NEDD4L: variants seen among roughly 807,000 people sequenced by gnomAD.
NEDD4L encodes the protein NEDD4 like E3 ubiquitin protein ligase.
Under a neutral mutation model 148.9 loss-of-function variants are expected in NEDD4L, and 54 were observed. The observed-to-expected ratio is 0.36, with a 90% CI of 0.29 to 0.45. NEDD4L has a LOEUF of 0.45. Among genes scored for constraint, NEDD4L ranks in the 20% least tolerant of loss-of-function variants. NEDD4L has a pLI of 1.00. For missense variants in NEDD4L, 856 were observed against 1,233.8 expected, an observed-to-expected ratio of 0.69 and a Z score of 4.59; for synonymous variants, 433 against 440.7, an observed-to-expected ratio of 0.98 and a Z score of 0.22.
At chr18:58,125,777 A>AT (rs1277221586) in intron 1 of NEDD4L, among the ~76,000 whole-genome samples, 1 of 152,254 alleles carries the variant, frequency 6.6e-6, no homozygotes, top group Non-Finnish European at 1.5e-5. Context: ...ATATTTCAAC[A>AT]TGTAATCAGT....
At chr18:58,187,041 G>A (rs2039554764) in intron 2 of NEDD4L, among the ~76,000 whole-genome samples, 4 of 152,208 alleles carry the variant, frequency 2.6e-5, no homozygotes, top group African/African-American at 9.6e-5. Flanking sequence ...GAAATTAATA[G>A]GTGCTTGGAA....
intron 1 of NEDD4L, among the ~76,000 whole-genome samples, chr18:58,138,370 C>CCCT (rs982388840): frequency 2.0e-5 from 3 of 148,404 alleles, no homozygotes; most frequent in African/African-American, 7.6e-5. Flanking sequence ...CTCTTCCCTC[C>CCCT]CCTCCTCCTC....
At chr18:58,055,612 G>A (rs2082053831) in intron 1 of NEDD4L, among the ~76,000 whole-genome samples, 1 of 152,164 alleles carries the variant, frequency 6.6e-6, no homozygotes, top group Non-Finnish European at 1.5e-5. Context: ...GGATTACCAG[G>A]TCATTTTCAT....
intron 8 of NEDD4L, among the ~76,000 whole-genome samples, chr18:58,324,488 C>A (rs745458450): frequency 6.6e-6 from 1 of 152,304 alleles, no homozygotes; most frequent in African/African-American, 2.4e-5. Flanking sequence ...TGGGGAGCAA[C>A]AGGACTCTGG....
intron 2 of NEDD4L, among the ~76,000 whole-genome samples, chr18:58,240,636 G>GA (rs2046518110): frequency 6.6e-6 from 1 of 152,168 alleles, no homozygotes; most frequent in Non-Finnish European, 1.5e-5. Flanking sequence ...CTTTGGATGA[G>GA]TAGTCAGTCC....
chr18:58,316,074 G>A (rs776014085), intron 6 of NEDD4L, 42 bp downstream of exon 6: 9 of 1,526,040 alleles, frequency 5.9e-6, no homozygotes, highest in Non-Finnish European at 8.2e-6. Flanking sequence ...CTGGGGGCGG[G>A]GGTTTCTAAT....
chr18:58,353,211 G>A (rs2044147844), intron 18 of NEDD4L, among the ~76,000 whole-genome samples: 1 of 152,202 alleles, frequency 6.6e-6, no homozygotes, highest in Non-Finnish European at 1.5e-5. Context: ...CCTGCTAGAT[G>A]CCTGGGCTTT....
At chr18:58,103,368 T>C (rs1242776205) in intron 1 of NEDD4L, among the ~76,000 whole-genome samples, 4 of 151,558 alleles carry the variant, frequency 2.6e-5, no homozygotes, top group Non-Finnish European at 4.4e-5. Flanking sequence ...ATTTAAATAA[T>C]ACCAGTTCCC....
At chr18:58,119,285 T>C (rs2086070235) in intron 1 of NEDD4L, among the ~76,000 whole-genome samples, 1 of 152,134 alleles carries the variant, frequency 6.6e-6, no homozygotes, top group Non-Finnish European at 1.5e-5. Flanking sequence ...CCTGCTCACT[T>C]TCCTAAGGGC....
chr18:58,080,744 A>C (rs946105606), intron 1 of NEDD4L, among the ~76,000 whole-genome samples: 3 of 152,180 alleles, frequency 2.0e-5, no homozygotes, highest in Admixed American at 6.5e-5. Flanking sequence ...AGAAAAAGAC[A>C]AAAGAAAGCC....
chr18:58,073,091 A>C (rs1348640891), intron 1 of NEDD4L, among the ~76,000 whole-genome samples: 1 of 152,222 alleles, frequency 6.6e-6, no homozygotes, highest in Non-Finnish European at 1.5e-5. Context: ...GAAAGTAAAG[A>C]AGACCTAAAA....
intron 24 of NEDD4L, among the ~76,000 whole-genome samples, chr18:58,377,983 G>A (rs1055273395): frequency 1.3e-5 from 2 of 152,152 alleles, no homozygotes; most frequent in African/African-American, 4.8e-5. Flanking sequence ...GGCCTCAAGT[G>A]ATCTGCCCAC....
intron 1 of NEDD4L, among the ~76,000 whole-genome samples, chr18:58,120,242 A>C (rs540101): frequency 6.6e-6 from 1 of 152,066 alleles, no homozygotes; most frequent in South Asian, 2.1e-4. Context: ...GAAATGAAAC[A>C]CACCAGGAGG....
chr18:58,390,810 A>G lies in NEDD4L; in HGVS notation c.2752+68A>G, dbSNP rs1021826150. ...TCCAGCCAGGCATGAACTCTGGCCCAAGAACCCTGCCGCCAGGCCTCTGCA... is the reference window on the plus strand; with the variant it reads ...TCCAGCCAGGCATGAACTCTGGCCCGAGAACCCTGCCGCCAGGCCTCTGCA... On this transcript the variant is annotated intron_variant, in intron 29 of 30. Transcript: ENST00000400345. 6.1e-6 allele frequency: 7 copies of G among 1,149,544 alleles called. No homozygotes were observed. In the African/African-American group the frequency reaches 6.1e-5, roughly 10 times the overall value. 71.2% of individuals were successfully genotyped at this position (1,149,544 alleles called of 1,614,324 possible). A position where few individuals can be genotyped will look rare whatever the true frequency, so the allele number is the denominator to read the frequency against.
chr18:58,112,360 CTTTA>C (rs199799632), intron 1 of NEDD4L, among the ~76,000 whole-genome samples: 65,277 of 143,222 alleles, frequency 0.46, 15,345 homozygotes, highest in East Asian at 0.58. Context: ...TCCTATTTGT[CTTTA>C]TTTATTTATT....
intron 1 of NEDD4L, among the ~76,000 whole-genome samples, chr18:58,132,212 T>A (rs922734036): frequency 2.0e-5 from 3 of 150,962 alleles, no homozygotes; most frequent in African/African-American, 7.3e-5. Flanking sequence ...GTATTATCAC[T>A]TGAAAGTTGT....
intron 25 of NEDD4L, among the ~76,000 whole-genome samples, 173 bp downstream of exon 25, chr18:58,383,492 GA>G (rs1417953673): frequency 6.6e-6 from 1 of 152,192 alleles, no homozygotes; most frequent in Non-Finnish European, 1.5e-5. Flanking sequence ...ATATGGGATG[GA>G]AAGTCTGTCT....
At chr18:58,064,696 G>C (rs1419905952) in intron 1 of NEDD4L, among the ~76,000 whole-genome samples, 1 of 152,148 alleles carries the variant, frequency 6.6e-6, no homozygotes, top group African/African-American at 2.4e-5. Context: ...AGAAATCATG[G>C]GGAAGTACTC....
chr18:58,268,373 G>A (rs2050527998), intron 5 of NEDD4L, among the ~76,000 whole-genome samples: 1 of 152,012 alleles, frequency 6.6e-6, no homozygotes, highest in Admixed American at 6.5e-5. Context: ...ATCTTCCCTA[G>A]ATCTGGACAA....
Sources: gnomAD v4.1 joint callset for allele counts (sites outside exome capture counted in the v4.1 genomes callset) on GRCh38, gnomAD v4.1.1 for gene constraint, MANE v1.5 for transcripts, NCBI Gene and HGNC (gene_info 2026-07-23, HGNC 2026-07-21) for gene names.